Variants in MACROD2 observed in about 807,000 individuals in gnomAD.
The protein encoded by MACROD2 is ADP-ribose glycohydrolase MACROD2.
MACROD2 carries 36 observed loss-of-function variants against 70.4 expected under a neutral mutation model. The observed-to-expected ratio is 0.51, with a 90% confidence interval of 0.39 to 0.68. MACROD2 has a LOEUF of 0.68. MACROD2 is among the 30% of genes least tolerant of loss of function. The probability of loss-of-function intolerance (pLI) is 0.00; values close to 1 mark genes in which losing one functional copy is unlikely to be tolerated. For synonymous variants in MACROD2, 172 were observed against 178.8 expected (o/e 0.96, Z 0.30); for missense variants, 496 against 538.4 (o/e 0.92, Z 0.78).
chr20:15,619,701 C>G (rs557162076), intron 8 of MACROD2: 23 of 238,232 alleles, frequency 9.7e-5, no homozygotes, highest in Non-Finnish European at 1.4e-4. Context: ...GCCCCCAGGC[C>G]TTTGTCCTAG....
chr20:15,595,959 A>C (rs1482827580), intron 8 of MACROD2, among the ~76,000 whole-genome samples: 4 of 152,190 alleles, frequency 2.6e-5, no homozygotes, highest in African/African-American at 4.8e-5. Context: ...TACTATCTAC[A>C]TATATTATGT....
rs78086747 is a variant in MACROD2 at position 15,499,830 on chromosome 20, G to A, written c.628G>A (p.Ala210Thr). Residue 210 changes from alanine to threonine, a missense_variant, in exon 8 of 18, where the codon GCC becomes ACC. Coordinates refer to ENST00000684519, the MANE Select transcript of MACROD2 (RefSeq NM_001351661.2). ...IALNTIKEWL[A>T]KNHHEVDRII... ...CCTCAACACCATTAAGGAATGGCTT[G>A]CCAAGAATCACCATGAGGTAGGAGG... 1 of 1,613,524 alleles carries A rather than the reference G, an allele frequency of 6.2e-7. No homozygotes were observed. The highest frequency in any genetic ancestry group is 1.1e-5 in the South Asian group (1 of 91,064).
At chr20:14,811,804 G>T (rs2072714931) in intron 5 of MACROD2, among the ~76,000 whole-genome samples, 1 of 152,088 alleles carries the variant, frequency 6.6e-6, no homozygotes, top group South Asian at 2.1e-4. Context: ...AGACATTTGT[G>T]TGGCCAACGA....
chr20:15,866,930 A>G (rs1454323984), intron 9 of MACROD2, among the ~76,000 whole-genome samples: 4 of 152,222 alleles, frequency 2.6e-5, no homozygotes, highest in Admixed American at 2.0e-4. Flanking sequence ...AAAATGGCTT[A>G]TATTAGTTTG....
intron 3 of MACROD2, among the ~76,000 whole-genome samples, chr20:14,215,000 T>C (rs1383979191): frequency 1.3e-5 from 2 of 150,914 alleles, no homozygotes; most frequent in Non-Finnish European, 3.0e-5. Context: ...ACATATATGT[T>C]TATATATATT....
rs1186779285 is a variant in MACROD2, at chr20:15,455,136, G to T, written c.571+23701G>T. 2.0e-5 allele frequency among the ~76,000 whole-genome samples: 3 copies of T among 152,292 alleles called. No individual in the cohort carries two copies. The East Asian group carries it at 5.8e-4, about 29-fold the overall frequency. ...GAGAATTACATCCTACCAATGTTTA[G>T]AGACTTTCTTCCTGTGCATCTTCAG... is the stretch of plus-strand genomic sequence containing the variant. On this transcript the variant is annotated intron_variant, in intron 7 of 17. Transcript: ENST00000684519.
intron 8 of MACROD2, among the ~76,000 whole-genome samples, chr20:15,766,019 T>C (rs905539321): frequency 2.6e-5 from 4 of 152,228 alleles, no homozygotes; most frequent in African/African-American, 9.6e-5. Flanking sequence ...ATATCACTCT[T>C]ACTCCTCCAT....
In MACROD2 at chr20:14,571,611, A is replaced by G. The variant is rs559801872; in HGVS notation, c.301+78103A>G. Among the ~76,000 whole-genome samples, 37 of 152,238 alleles carry G rather than the reference A, an allele frequency of 2.4e-4. 1 individual carries two copies. The South Asian group carries it at 7.7e-3, about 31-fold the overall frequency. On this transcript the variant is annotated intron_variant, in intron 4 of 17. Transcript: ENST00000684519. ...GGAGCATGCGTAGCAAAGAAAATTC[A>G]TGTTCCAAAATGGCACAAGGAGGGT...
At chr20:14,278,110 T>G (rs6033931) in intron 3 of MACROD2, among the ~76,000 whole-genome samples, 95,058 of 152,060 alleles carry the variant, frequency 0.63, 31,326 homozygotes, top group Non-Finnish European at 0.74. Flanking sequence ...AGCAAATGTT[T>G]AGAAAATGCT....
intron 8 of MACROD2, among the ~76,000 whole-genome samples, chr20:15,551,868 C>CAAAAA (rs5840671): frequency 1.6e-5 from 2 of 121,796 alleles, no homozygotes; most frequent in Non-Finnish European, 3.3e-5. Flanking sequence ...GACCCTGCCT[C>CAAAAA]AAAAAAAAAA....
At chr20:14,609,730 G>T (rs192240956) in intron 4 of MACROD2, among the ~76,000 whole-genome samples, 1 of 152,176 alleles carries the variant, frequency 6.6e-6, no homozygotes, top group East Asian at 1.9e-4. Flanking sequence ...TATAGTGATG[G>T]GTTTATGTGG....
chr20:15,505,895 C>T (rs920176478), intron 8 of MACROD2, among the ~76,000 whole-genome samples: 13 of 152,136 alleles, frequency 8.5e-5, no homozygotes, highest in Admixed American at 2.0e-4. Context: ...ATGCCTTTAG[C>T]ACAAACAGAT....
intron 5 of MACROD2, among the ~76,000 whole-genome samples, chr20:14,949,561 C>T (rs2074459056): frequency 1.3e-5 from 2 of 152,194 alleles, no homozygotes; most frequent in South Asian, 4.1e-4. Flanking sequence ...ATCAAGCTAA[C>T]AGTTAATAAA....
At chr20:14,829,576 G>A (rs2072941676) in intron 5 of MACROD2, among the ~76,000 whole-genome samples, 1 of 151,938 alleles carries the variant, frequency 6.6e-6, no homozygotes, top group Non-Finnish European at 1.5e-5. Context: ...AGAGTCATAA[G>A]CAAAAATGAG....
At chr20:14,225,097 T>A (rs2122180403) in intron 3 of MACROD2, among the ~76,000 whole-genome samples, 2 of 152,336 alleles carry the variant, frequency 1.3e-5, no homozygotes, top group East Asian at 3.9e-4. Context: ...TTAGATCCTA[T>A]TTATTGGGTC....
chr20:15,925,463 G>A (rs2065474432), intron 10 of MACROD2, among the ~76,000 whole-genome samples: 1 of 152,136 alleles, frequency 6.6e-6, no homozygotes, highest in Admixed American at 6.6e-5. Flanking sequence ...ATGCCATATG[G>A]GAGAACCGTA....
chr20:14,399,946 A>G (rs1197760709), intron 3 of MACROD2, among the ~76,000 whole-genome samples: 1 of 152,162 alleles, frequency 6.6e-6, no homozygotes, highest in Non-Finnish European at 1.5e-5. Flanking sequence ...TTTATTTAAC[A>G]TGCTTAATCT....
chr20:14,407,779 T>C (rs2083707597), intron 3 of MACROD2, among the ~76,000 whole-genome samples: 1 of 152,156 alleles, frequency 6.6e-6, no homozygotes, highest in Non-Finnish European at 1.5e-5. Flanking sequence ...TAATTAAGCT[T>C]TATGAGCTTC....
chr20:15,819,974 G>A (rs569895899), intron 8 of MACROD2, among the ~76,000 whole-genome samples: 1 of 152,138 alleles, frequency 6.6e-6, no homozygotes, highest in Admixed American at 6.5e-5. Context: ...TGGCTTCACT[G>A]TAGTACCTAT....
Sources: allele counts gnomAD v4.1 joint callset (sites outside exome capture counted in the v4.1 genomes callset), GRCh38; gene constraint gnomAD v4.1.1; transcripts MANE v1.5; gene names NCBI Gene and HGNC (gene_info 2026-07-23, HGNC 2026-07-21).